The following HDAC4 variants were observed in gnomAD, a reference collection of about 807,000 sequenced individuals.
The protein encoded by HDAC4 is histone deacetylase A.
HDAC4 carries 16 observed loss-of-function variants against 135.1 expected under a neutral mutation model. The observed-to-expected ratio is 0.12, with a 90% CI of 0.08 to 0.18. The LOEUF (loss-of-function observed/expected upper bound fraction) is 0.18. Among genes scored for constraint, HDAC4 ranks in the 10% least tolerant of loss-of-function variants. The pLI is 1.00. For synonymous variants in HDAC4, 685 were observed against 653.4 expected, an observed-to-expected ratio of 1.05 and a Z score of -0.74; for missense variants, 1,143 against 1,511.8, an observed-to-expected ratio of 0.76 and a Z score of 4.05.
chr2:239,157,586 G>A (rs918488930), intron 6 of HDAC4, among the ~76,000 whole-genome samples: 5 of 152,174 alleles, frequency 3.3e-5, no homozygotes, highest in Admixed American at 6.5e-5. Context: ...CTTTTTTGAC[G>A]GCACTGACAG....
chr2:239,330,098 A>G (rs574526582), intron 2 of HDAC4, among the ~76,000 whole-genome samples: 1 of 152,358 alleles, frequency 6.6e-6, no homozygotes, highest in African/African-American at 2.4e-5. Flanking sequence ...ACGGGGCAGA[A>G]TCAAACTTGT....
intron 11 of HDAC4, among the ~76,000 whole-genome samples, chr2:239,133,753 C>T (rs1013863159): frequency 4.6e-5 from 7 of 152,236 alleles, no homozygotes; most frequent in African/African-American, 1.4e-4. Flanking sequence ...AGGTGTCAGT[C>T]ACCGTGTCCG....
intron 8 of HDAC4, among the ~76,000 whole-genome samples, chr2:239,143,268 A>AC (rs113387254): frequency 4.4e-4 from 67 of 151,896 alleles, no homozygotes; most frequent in Admixed American, 1.2e-3. Context: ...TTTAAAAAAA[A>AC]AACAACAAAA....
intron 2 of HDAC4, among the ~76,000 whole-genome samples, chr2:239,288,080 A>C (rs969004611): frequency 6.6e-6 from 1 of 151,698 alleles, no homozygotes; most frequent in Non-Finnish European, 1.5e-5. Flanking sequence ...AAAAAAAAAG[A>C]CCTTAAAAAA....
intron 23 of HDAC4, 181 bp from the exon 24 acceptor site, chr2:239,067,036 CTGTT>C (rs1182914245): frequency 1.3e-5 from 9 of 718,924 alleles, no homozygotes; most frequent in Non-Finnish European, 1.9e-5. Context: ...CCTCTTTGAT[CTGTT>C]TGAGAGGAGG....
intron 24 of HDAC4, among the ~76,000 whole-genome samples, chr2:239,058,091 T>C (rs1350703555): frequency 2.0e-5 from 3 of 152,258 alleles, no homozygotes; most frequent in African/African-American, 7.2e-5. Flanking sequence ...GATACCCACC[T>C]GGGTGCTCTG....
Position 239,331,837 on chromosome 2 carries a change from G to A in HDAC4, c.22+20841C>T, listed in dbSNP as rs1224681207. On this transcript the variant is annotated intron_variant, in intron 2 of 26. Transcript: ENST00000543185. This position sits in a 1 kb window ranked among gnomAD's most constrained non-coding sequence, Gnocchi z 4.5. ...GCCCGCGTGTCCTCCAGAGGCTGAGGAGCGGAGCAGCACCGGACGGCTCGG... is the reference window on the plus strand; with the variant it reads ...GCCCGCGTGTCCTCCAGAGGCTGAGAAGCGGAGCAGCACCGGACGGCTCGG... Among the ~76,000 whole-genome samples the A allele has an allele frequency of 6.6e-6, 1 of 152,174 alleles. No homozygotes were observed. Among genetic ancestry groups the A allele is most frequent in the Non-Finnish European group, 1.5e-5 (1 of 68,044 alleles).
rs533684216 is a variant in HDAC4, at chr2:239,230,907, G to C, written c.94+5686C>G. On this transcript the variant is annotated intron_variant, in intron 3 of 26. Transcript: ENST00000543185. ...CAACCGCCACAAAACACATCTAGGAGGCAGCATGAGCTCCAGGCACCAGCC... is the reference window on the plus strand; with the variant it reads ...CAACCGCCACAAAACACATCTAGGACGCAGCATGAGCTCCAGGCACCAGCC... Among the ~76,000 whole-genome samples the C allele has an allele frequency of 3.3e-5, 5 of 152,288 alleles. No homozygotes were observed. The East Asian group carries it at 5.8e-4, about 18-fold the overall frequency.
chr2:239,220,959 G>A (rs1434881044), intron 3 of HDAC4, among the ~76,000 whole-genome samples: 4 of 152,104 alleles, frequency 2.6e-5, no homozygotes, highest in Non-Finnish European at 5.9e-5. Context: ...CCTTGGTACC[G>A]TGTTGTCATC....
chr2:239,107,109 T>G lies in HDAC4; in HGVS notation c.2112+941A>C, dbSNP rs111432238. 7.4e-3 allele frequency among the ~76,000 whole-genome samples: 1,128 copies of G among 152,290 alleles called. 10 individuals carry two copies. Among genetic ancestry groups the G allele is most frequent in the African/African-American group, 0.025 (1,047 of 41,564 alleles). The stretch of plus-strand genomic sequence containing the variant: ...ACGGGAGTCTCTTCTCTTCCTGCCC[T>G]CGCTATCAGCAGGGCCTGGCCACAC... On this transcript the variant is annotated intron_variant, in intron 15 of 26. Coordinates refer to ENST00000543185, the MANE Select transcript of HDAC4 (RefSeq NM_001378414.1).
chr2:239,392,683 G>A (rs1284232414), intron 1 of HDAC4, among the ~76,000 whole-genome samples: 2 of 152,204 alleles, frequency 1.3e-5, no homozygotes, highest in African/African-American at 4.8e-5. Context: ...GAGCTTACGG[G>A]GCTCGGACAT....
At chr2:239,298,105 T>C (rs2052022651) in intron 2 of HDAC4, 17 of 853,018 alleles carry the variant, frequency 2.0e-5, no homozygotes, top group Non-Finnish European at 2.7e-5. Flanking sequence ...TTTCACAGGA[T>C]AAAAAAAATT....
chr2:239,165,320 C>G (rs966974849), intron 5 of HDAC4, among the ~76,000 whole-genome samples: 2 of 152,208 alleles, frequency 1.3e-5, no homozygotes, highest in Non-Finnish European at 2.9e-5. Flanking sequence ...TGCTGGTCCT[C>G]AAATCACCAT....
chr2:239,244,610 C>A (rs971144575), intron 2 of HDAC4, among the ~76,000 whole-genome samples: 2 of 152,172 alleles, frequency 1.3e-5, no homozygotes, highest in East Asian at 1.9e-4. Flanking sequence ...GTTCAGTGGG[C>A]TGAAATGTCA....
chr2:239,329,499 C>T (rs1358354249), intron 2 of HDAC4, among the ~76,000 whole-genome samples: 1 of 152,136 alleles, frequency 6.6e-6, no homozygotes, highest in Non-Finnish European at 1.5e-5. Context: ...CACACCCCTC[C>T]TCCCACCGGG....
intron 3 of HDAC4, 64 bp from the exon 4 acceptor site, chr2:239,190,141 C>G: frequency 6.4e-7 from 1 of 1,554,114 alleles, no homozygotes; most frequent in South Asian, 1.2e-5. Flanking sequence ...GGCCCCAGAG[C>G]CCCCACCCAA....
chr2:239,220,738 T>C (rs1286775699), intron 3 of HDAC4, among the ~76,000 whole-genome samples: 3 of 152,184 alleles, frequency 2.0e-5, no homozygotes, highest in African/African-American at 7.2e-5. Context: ...TCTAATCCCA[T>C]GGAATGACAC....
chr2:239,175,848 C>A (rs1486615873), intron 5 of HDAC4, among the ~76,000 whole-genome samples: 1 of 152,166 alleles, frequency 6.6e-6, no homozygotes, highest in Non-Finnish European at 1.5e-5. Flanking sequence ...TTAAATCAAA[C>A]CAAAAGTCGG....
At chr2:239,192,115 C>T (rs190280154) in intron 3 of HDAC4, among the ~76,000 whole-genome samples, 16 of 152,286 alleles carry the variant, frequency 1.1e-4, no homozygotes, top group African/African-American at 1.4e-4. Flanking sequence ...GAAGAATCTA[C>T]GCACATAAAC....
Sources: allele counts gnomAD v4.1 joint callset (sites outside exome capture counted in the v4.1 genomes callset), GRCh38; gene constraint gnomAD v4.1.1; non-coding constraint Gnocchi (gnomAD v3.1); transcripts MANE v1.5; gene names NCBI Gene and HGNC (gene_info 2026-07-23, HGNC 2026-07-21).